POLR3A: variants seen among roughly 807,000 people sequenced by gnomAD.
POLR3A encodes the protein RNA polymerase III subunit A, also known as DNA-directed RNA polymerase III subunit RPC1.
A neutral mutation model predicts 152.8 loss-of-function variants in POLR3A; 112 were observed. That is an observed-to-expected ratio of 0.73 (90% CI 0.63 to 0.86). The LOEUF is 0.86. POLR3A is among the 40% of genes least tolerant of loss of function. The probability of loss-of-function intolerance (pLI) is 0.00; values close to 1 mark genes in which losing one functional copy is unlikely to be tolerated. For missense variants in POLR3A, 1,385 were observed against 1,743.1 expected, an observed-to-expected ratio of 0.79 and a Z score of 3.66; for synonymous variants, 615 against 652.1, an observed-to-expected ratio of 0.94 and a Z score of 0.87.
rs560490713 is a variant in POLR3A, at chr10:78,023,908, TGA to T, written c.645+639_645+640del. Among the ~76,000 whole-genome samples, 12 of 151,536 alleles carry T rather than the reference TGA, an allele frequency of 7.9e-5. No homozygotes were observed. In the East Asian group the frequency reaches 2.3e-3, roughly 30 times the overall value. On this transcript the variant is annotated intron_variant, in intron 5 of 30. Coordinates refer to ENST00000372371, the MANE Select transcript of POLR3A (RefSeq NM_007055.4). ...ATCCCAGCACTTTGGAAGGCTGAGG[TGA>T]GAGGATCTCTTGGGCTCAGGAGTTT...
At chr10:78,000,927 G>A in intron 18 of POLR3A, 49 bp downstream of exon 18, 2 of 950,822 alleles carry the variant, frequency 2.1e-6, no homozygotes, top group South Asian at 1.3e-5. Flanking sequence ...TTGGAGGAAA[G>A]TGTAGATTAA....
intron 21 of POLR3A, among the ~76,000 whole-genome samples, chr10:77,988,226 T>G (rs1375058089): frequency 1.3e-5 from 2 of 152,064 alleles, no homozygotes; most frequent in Non-Finnish European, 2.9e-5. Context: ...GCTTTTTATT[T>G]AAGAAGTTTT....
chr10:78,001,251 G>A (rs1445447061), intron 17 of POLR3A, among the ~76,000 whole-genome samples, 157 bp from the exon 18 acceptor site: 1 of 152,180 alleles, frequency 6.6e-6, no homozygotes, highest in Non-Finnish European at 1.5e-5. Flanking sequence ...AGACAACAAG[G>A]AGCTGTCAGG....
intron 1 of POLR3A, among the ~76,000 whole-genome samples, chr10:78,028,555 G>A (rs1303450861): frequency 1.3e-5 from 2 of 149,264 alleles, no homozygotes; most frequent in African/African-American, 2.6e-5. Context: ...CTGTCACTCA[G>A]GGTGGAATGC....
At chr10:78,019,388 G>T in intron 8 of POLR3A, 123 bp from the exon 9 acceptor site, 2 of 746,574 alleles carry the variant, frequency 2.7e-6, no homozygotes, top group Non-Finnish European at 2.4e-6. Flanking sequence ...AGGCATCCTG[G>T]GCAGCCTGCT....
At position 77,981,469 on chromosome 10, in the gene POLR3A, T is replaced by C. The variant is rs1847140851; in HGVS notation, c.3850A>G (p.Arg1284Gly). The C allele has an allele frequency of 6.2e-7, 1 of 1,614,096 alleles. No homozygotes were observed. The highest frequency in any genetic ancestry group is 1.3e-5 in the African/African-American group (1 of 75,066). Residue 1284 changes from arginine (R) to glycine (G), a missense_variant, in exon 29 of 31, where the codon AGG becomes GGG. Physicochemically the swap from Arg to Gly is moderately radical, Grantham distance 125 (BLOSUM62 -2). This residue lies in a region of POLR3A where 332 missense variants were observed against 400.1 expected (regional missense o/e 0.83). Coordinates refer to ENST00000372371, the MANE Select transcript of POLR3A (RefSeq NM_007055.4). Reference sequence around the variant, plus strand: ...TCGGAGAGCAGCATCACGTGCCTCCTGTCGATGCTCATGCCGTGGTTCACC... The same window carrying C: ...TCGGAGAGCAGCATCACGTGCCTCCCGTCGATGCTCATGCCGTGGTTCACC... The part of the protein sequence containing the change: ...TMVNHGMSID[R>G]RHVMLLSDLM...
At chr10:77,982,364 C>A (rs532801126) in intron 27 of POLR3A, 46 bp from the exon 28 acceptor site, 1 of 1,582,702 alleles carries the variant, frequency 6.3e-7, no homozygotes, top group East Asian at 2.2e-5. Context: ...GTGAGCCATG[C>A]CCTGGGCTGA....
rs1007744834 is a variant in POLR3A at position 77,976,054 on chromosome 10, T to C, written c.*1424A>G. On this transcript the variant is annotated 3_prime_UTR_variant, in exon 31 of 31. Coordinates refer to ENST00000372371, the MANE Select transcript of POLR3A (RefSeq NM_007055.4). ...ATACCCCAAGAGAAGTTAATAGGTC[T>C]ACCTTGTAGATGCAGGGAAATCAAA... The C allele has an allele frequency of 1.3e-5, 2 of 152,210 alleles. No individual in the cohort carries two copies. Among genetic ancestry groups the C allele is most frequent in the Non-Finnish European group, 2.9e-5 (2 of 68,038 alleles). 9.4% of individuals were successfully genotyped at this position (152,210 alleles called of 1,614,324 possible).
chr10:78,024,817 G>T (rs1847616121), intron 4 of POLR3A, 114 bp from the exon 5 acceptor site: 1 of 1,322,136 alleles, frequency 7.6e-7, no homozygotes. Context: ...AAAGATGAGA[G>T]GTCCGTTTCC....
intron 20 of POLR3A, among the ~76,000 whole-genome samples, chr10:77,992,438 CTTTTTTTTTTTT>C (rs71030926): frequency 1.3e-5 from 1 of 76,540 alleles, no homozygotes; most frequent in Non-Finnish European, 2.4e-5. Context: ...CTGGCTAATT[CTTTTTTTTTTTT>C]TTTTTTTTTT....
At position 77,984,278 on chromosome 10, in the gene POLR3A, T is replaced by A. The variant is rs1470572159; in HGVS notation, c.3263A>T (p.Gln1088Leu). The part of the protein sequence containing the change: ...KAISTPIITA[Q>L]LDKDDDADYA... The stretch of plus-strand genomic sequence containing the variant: ...ATCCGCGTCGTCATCCTTGTCTAGC[T>A]GTGCTGTGATAATTGGAGTGCTGTT... Residue 1088 changes from glutamine to leucine, a missense_variant, in exon 25 of 31, where the codon CAG (glutamine) becomes CTG (leucine). Gln to Leu is a moderately radical substitution (Grantham distance 113). This residue lies in a region of POLR3A where 332 missense variants were observed against 400.1 expected (regional missense o/e 0.83). Coordinates refer to ENST00000372371, the MANE Select transcript of POLR3A (RefSeq NM_007055.4). The A allele has an allele frequency of 6.2e-7, 1 of 1,612,372 alleles. No homozygotes were observed. The highest frequency in any genetic ancestry group is 2.2e-5 in the East Asian group (1 of 44,884).
Position 78,004,724 on chromosome 10 carries a change from T to G in POLR3A, c.2239A>C (p.Thr747Pro). Residue 747 changes from threonine (T) to proline (P), a missense_variant, in exon 16 of 31, where the codon ACC (threonine) becomes CCC (proline). This residue lies in a region of POLR3A where 170 missense variants were observed against 231.2 expected (regional missense o/e 0.74). Transcript: ENST00000372371. ...QQQPGCTAEE[T>P]LEALILKELS... ...CAAAGGGCCGGGCTCACCTCCAGGG[T>G]CTCCTCAGCAGTGCAGCCAGGCTGC... is the stretch of plus-strand genomic sequence containing the variant. 1 of 1,612,956 alleles carries G rather than the reference T, an allele frequency of 6.2e-7. No homozygotes were observed. Among genetic ancestry groups the G allele is most frequent in the Non-Finnish European group, 8.5e-7 (1 of 1,179,800 alleles).
chr10:78,023,641 G>A (rs1043288821), intron 5 of POLR3A, among the ~76,000 whole-genome samples: 2 of 151,748 alleles, frequency 1.3e-5, no homozygotes, highest in African/African-American at 4.8e-5. Context: ...TGCTGGGGGT[G>A]GTGGTGTGTG....
In POLR3A at chr10:78,004,883, G is replaced by A. The variant is rs1847395828; in HGVS notation, c.2080C>T (p.Arg694Cys). ...TCACCGATCCCAATTGAGAAACCAC[G>A]GTTAGCTGTTGAGTTGGTAGAGCAG... Reference protein sequence around the residue: ...ARLAPVYLSNRGFSIGIGDVT... With the variant: ...ARLAPVYLSNCGFSIGIGDVT... Residue 694 changes from arginine (R) to cysteine (C), a missense_variant, in exon 16 of 31, where the codon CGT (arginine) becomes TGT (cysteine). By Grantham distance (180) the Arg-to-Cys change is radical. Transcript: ENST00000372371. 8 of 1,613,838 alleles carry A rather than the reference G, an allele frequency of 5.0e-6. No individual in the cohort carries two copies. The highest frequency in any genetic ancestry group is 2.7e-5 in the African/African-American group (2 of 74,908).
chr10:77,993,140 G>T, intron 20 of POLR3A, 57 bp downstream of exon 20: 2 of 1,335,096 alleles, frequency 1.5e-6, no homozygotes, highest in Non-Finnish European at 2.2e-6. Flanking sequence ...CAGTACTTCC[G>T]TCCTAAAGAA....
chr10:77,983,323 T>A (rs1847166855), intron 26 of POLR3A, among the ~76,000 whole-genome samples: 1 of 152,328 alleles, frequency 6.6e-6, no homozygotes, highest in African/African-American at 2.4e-5. Context: ...GGGTAACATA[T>A]GAACTTGATG....
Position 78,023,807 on chromosome 10 carries a change from T to A in POLR3A, c.645+742A>T, listed in dbSNP as rs1447236790. ...ATTAAAATAAATAAATAAACAAATA[T>A]ATAAAATAATAATAAAAAAAAAGAA... On this transcript the variant is annotated intron_variant, in intron 5 of 30. Coordinates refer to ENST00000372371, the MANE Select transcript of POLR3A (RefSeq NM_007055.4). Among the ~76,000 whole-genome samples the A allele has an allele frequency of 5.5e-4, 82 of 150,442 alleles. 1 individual carries two copies.
intron 19 of POLR3A, among the ~76,000 whole-genome samples, chr10:77,998,849 C>T (rs1217464212): frequency 6.6e-6 from 1 of 152,138 alleles, no homozygotes; most frequent in Non-Finnish European, 1.5e-5. Flanking sequence ...GACACATGCA[C>T]ATGTATGTTT....
chr10:78,000,082 A>G lies in POLR3A; in HGVS notation c.2515T>C (p.Tyr839His). Residue 839 changes from tyrosine to histidine, a missense_variant, in exon 19 of 31, where the codon TAT becomes CAT. This residue lies in a region of POLR3A where 170 missense variants were observed against 231.2 expected (regional missense o/e 0.74). Coordinates refer to ENST00000372371, the MANE Select transcript of POLR3A (RefSeq NM_007055.4). ...AACTCAGTTGGTGTCAAACCGGAAT[A>G]AAAGCTATTAGCCACAAAGCCTTTG... ...AAKGFVANSF[Y>H]SGLTPTEFFF... 5 of 1,614,116 alleles carry G rather than the reference A, an allele frequency of 3.1e-6. No homozygotes were observed. Among genetic ancestry groups the G allele is most frequent in the Non-Finnish European group, 4.2e-6 (5 of 1,179,946 alleles).
Sources: gnomAD v4.1 joint callset for allele counts (sites outside exome capture counted in the v4.1 genomes callset) on GRCh38, gnomAD v4.1.1 for gene constraint, gnomAD v4.1.1 regional missense constraint, MANE v1.5 for transcripts, NCBI Gene and HGNC (gene_info 2026-07-23, HGNC 2026-07-21) for gene names.